LSAMP: variants seen among roughly 807,000 people sequenced by gnomAD.
The protein encoded by LSAMP is limbic system-associated membrane protein.
LSAMP carries 7 observed loss-of-function variants against 38.6 expected under a neutral mutation model. That is an observed-to-expected ratio of 0.18 (90% CI 0.10 to 0.34). The LOEUF is 0.34. Among genes scored for constraint, LSAMP ranks in the 10% least tolerant of loss-of-function variants. The pLI is 1.00. For synonymous variants in LSAMP, 154 were observed against 166.8 expected (o/e 0.92, Z 0.59); for missense variants, 313 against 420.0 (o/e 0.75, Z 2.23).
intron 1 of LSAMP, among the ~76,000 whole-genome samples, chr3:116,100,787 G>A (rs1419485865): frequency 6.6e-6 from 1 of 152,056 alleles, no homozygotes; most frequent in Non-Finnish European, 1.5e-5. Flanking sequence ...TTCCAACCCC[G>A]ATCTCTTGAC....
intron 1 of LSAMP, among the ~76,000 whole-genome samples, chr3:116,272,371 A>ATAAG (rs2046985836): frequency 6.6e-6 from 1 of 152,264 alleles, no homozygotes; most frequent in South Asian, 2.1e-4. Context: ...ACTGGGCAAG[A>ATAAG]TAAGTTTCAT....
At chr3:116,034,929 A>T (rs2107709203) in intron 2 of LSAMP, among the ~76,000 whole-genome samples, 1 of 152,280 alleles carries the variant, frequency 6.6e-6, no homozygotes, top group Non-Finnish European at 1.5e-5. Context: ...AAGAATGCAA[A>T]ACATCTCCTC....
intron 1 of LSAMP, among the ~76,000 whole-genome samples, chr3:116,435,708 G>A (rs1360045860): frequency 6.6e-6 from 1 of 151,962 alleles, no homozygotes; most frequent in African/African-American, 2.4e-5. Context: ...TATCTATTGG[G>A]GGAAAAAAGT....
intron 3 of LSAMP, among the ~76,000 whole-genome samples, chr3:115,860,936 T>C (rs1405988676): frequency 6.6e-6 from 1 of 152,192 alleles, no homozygotes; most frequent in Non-Finnish European, 1.5e-5. Context: ...TTGAGGACTC[T>C]GGATTTGCTA....
chr3:116,092,193 TTATC>T (rs1389743283), intron 1 of LSAMP, among the ~76,000 whole-genome samples: 1 of 152,212 alleles, frequency 6.6e-6, no homozygotes, highest in Non-Finnish European at 1.5e-5. Context: ...TATTCATTAA[TTATC>T]TAATAGGTAC....
chr3:116,424,151 A>G (rs2049163509), intron 1 of LSAMP, among the ~76,000 whole-genome samples: 1 of 152,232 alleles, frequency 6.6e-6, no homozygotes, highest in Non-Finnish European at 1.5e-5. Flanking sequence ...CACTGTGTGT[A>G]GTGGGAATAA....
chr3:115,811,793 C>T (rs1056473827), intron 6 of LSAMP, among the ~76,000 whole-genome samples: 6 of 152,280 alleles, frequency 3.9e-5, no homozygotes, highest in Admixed American at 2.0e-4. Flanking sequence ...ACTTACTACA[C>T]GATTTTGTCA....
rs2107435663 is a variant in LSAMP at position 115,804,768 on chromosome 3, A to G, written c.*5549T>C. ...TATATGTCATCCTGTTACACGTGTC[A>G]GGCACTTCAAAAAGACTCCAAGAGA... On this transcript the variant is annotated 3_prime_UTR_variant, in exon 7 of 7. Coordinates refer to ENST00000490035, the MANE Select transcript of LSAMP (RefSeq NM_002338.5). 6.6e-6 allele frequency: 1 copy of G among 152,258 alleles called. No individual in the cohort carries two copies. Among genetic ancestry groups the G allele is most frequent in the Non-Finnish European group, 1.5e-5 (1 of 68,014 alleles). 9.4% of individuals were successfully genotyped at this position (152,258 alleles called of 1,614,324 possible).
At chr3:116,383,175 G>A (rs1195859404) in intron 1 of LSAMP, among the ~76,000 whole-genome samples, 1 of 152,124 alleles carries the variant, frequency 6.6e-6, no homozygotes, top group Admixed American at 6.6e-5. Context: ...CTAGGAGAAA[G>A]TTTGGAGGCA....
At chr3:115,930,405 T>C (rs557114885) in intron 3 of LSAMP, among the ~76,000 whole-genome samples, 3 of 152,212 alleles carry the variant, frequency 2.0e-5, no homozygotes, top group East Asian at 1.9e-4. Context: ...AATTCAACAG[T>C]AACAATATGA....
intron 1 of LSAMP, among the ~76,000 whole-genome samples, chr3:116,250,664 C>G (rs1313293541): frequency 6.7e-6 from 1 of 150,004 alleles, no homozygotes; most frequent in Non-Finnish European, 1.5e-5. Flanking sequence ...GAGTTTGAGA[C>G]CAGCCTGGGC....
At chr3:115,960,617 A>G (rs1170692254) in intron 3 of LSAMP, among the ~76,000 whole-genome samples, 4 of 152,142 alleles carry the variant, frequency 2.6e-5, no homozygotes, top group Non-Finnish European at 5.9e-5. Flanking sequence ...CACCACTGCT[A>G]TCCTTTCTGA....
chr3:116,385,102 GA>G (rs11450064), intron 1 of LSAMP, among the ~76,000 whole-genome samples: 28 of 143,120 alleles, frequency 2.0e-4, no homozygotes, highest in Middle Eastern at 3.6e-3. Flanking sequence ...AAGAAGGAAT[GA>G]AAAAAAAAAA....
At chr3:115,907,784 G>T (rs1260124432) in intron 3 of LSAMP, among the ~76,000 whole-genome samples, 2 of 152,140 alleles carry the variant, frequency 1.3e-5, no homozygotes, top group African/African-American at 4.8e-5. Flanking sequence ...TAAAATCACA[G>T]ATTTTTGTGT....
chr3:116,069,809 TAGAC>T (rs1476438907), intron 2 of LSAMP, among the ~76,000 whole-genome samples: 2 of 152,244 alleles, frequency 1.3e-5, no homozygotes, highest in Admixed American at 6.5e-5. Flanking sequence ...GGCTGATAGA[TAGAC>T]AGAAATGCTT....
intron 1 of LSAMP, among the ~76,000 whole-genome samples, chr3:116,240,159 T>C (rs2046514484): frequency 6.6e-6 from 1 of 152,230 alleles, no homozygotes; most frequent in African/African-American, 2.4e-5. Context: ...GTTTTATGGA[T>C]ATAAGTATCC....
chr3:116,384,451 G>T (rs114442799), intron 1 of LSAMP, among the ~76,000 whole-genome samples: 3,610 of 152,172 alleles, frequency 0.024, 70 homozygotes, highest in Middle Eastern at 0.054. Context: ...TTTGGAAGTG[G>T]GACCTGGGTA....
At chr3:116,197,693 G>T (rs1389583408) in intron 1 of LSAMP, among the ~76,000 whole-genome samples, 4 of 152,016 alleles carry the variant, frequency 2.6e-5, no homozygotes, top group African/African-American at 9.7e-5. Flanking sequence ...AGAATCTCTG[G>T]TTCTGCGGAA....
At chr3:116,151,561 G>A (rs1002650963) in intron 1 of LSAMP, among the ~76,000 whole-genome samples, 5 of 151,628 alleles carry the variant, frequency 3.3e-5, no homozygotes, top group Admixed American at 6.6e-5. Context: ...ATTATGGCTC[G>A]TCCATGCATG....
Sources: allele counts gnomAD v4.1 joint callset (sites outside exome capture counted in the v4.1 genomes callset), GRCh38; gene constraint gnomAD v4.1.1; transcripts MANE v1.5; gene names NCBI Gene and HGNC (gene_info 2026-07-23, HGNC 2026-07-21).